GALNTL6: variants seen among roughly 807,000 people sequenced by gnomAD.
The protein encoded by GALNTL6 is polypeptide N-acetylgalactosaminyltransferase-like 6.
GALNTL6 carries 46 observed loss-of-function variants against 73.7 expected under a neutral mutation model. The observed-to-expected ratio is 0.62, with a 90% confidence interval of 0.49 to 0.80. The LOEUF (loss-of-function observed/expected upper bound fraction) is 0.80, where lower values mean the gene tolerates loss of function less well. GALNTL6 is among the 30% of genes least tolerant of loss of function. GALNTL6 has a pLI of 0.00. For missense variants in GALNTL6, 604 were observed against 755.0 expected (o/e 0.80, Z 2.34); for synonymous variants, 259 against 263.7 (o/e 0.98, Z 0.17).
intron 5 of GALNTL6, among the ~76,000 whole-genome samples, chr4:172,520,755 T>C (rs886777217): frequency 2.6e-5 from 4 of 152,044 alleles, no homozygotes; most frequent in Non-Finnish European, 5.9e-5. Flanking sequence ...AAAACTCAAC[T>C]AACATATTCT....
At chr4:172,490,390 T>A (rs1733853474) in intron 5 of GALNTL6, among the ~76,000 whole-genome samples, 1 of 152,136 alleles carries the variant, frequency 6.6e-6, no homozygotes, top group Non-Finnish European at 1.5e-5. Context: ...AAATAGTTTA[T>A]AAAATAATTT....
At chr4:172,926,276 A>G (rs1748053427) in intron 8 of GALNTL6, among the ~76,000 whole-genome samples, 1 of 152,090 alleles carries the variant, frequency 6.6e-6, no homozygotes, top group African/African-American at 2.4e-5. Context: ...ATCACCTCCC[A>G]AGGACCCTAC....
intron 2 of GALNTL6, among the ~76,000 whole-genome samples, chr4:171,954,394 G>A (rs922348172): frequency 3.3e-5 from 5 of 152,128 alleles, no homozygotes; most frequent in African/African-American, 7.2e-5. Context: ...AGCTTGTGTT[G>A]TATAGTTATA....
At chr4:171,957,599 C>T (rs1443815227) in intron 2 of GALNTL6, among the ~76,000 whole-genome samples, 1 of 152,188 alleles carries the variant, frequency 6.6e-6, no homozygotes, top group East Asian at 1.9e-4. Context: ...AAACTGTTGT[C>T]TAGTTATCAA....
chr4:172,473,056 T>G (rs375216424), intron 5 of GALNTL6, among the ~76,000 whole-genome samples: 1 of 152,168 alleles, frequency 6.6e-6, no homozygotes, highest in Non-Finnish European at 1.5e-5. Context: ...ATTAAGCATT[T>G]TCTAAATGCC....
At chr4:172,636,209 CATTA>C (rs1739671795) in intron 5 of GALNTL6, among the ~76,000 whole-genome samples, 1 of 152,112 alleles carries the variant, frequency 6.6e-6, no homozygotes, top group Admixed American at 6.6e-5. Context: ...AGATAATGGT[CATTA>C]GTCTGATGTC....
chr4:172,991,413 T>C (rs749159922), intron 10 of GALNTL6, among the ~76,000 whole-genome samples: 2 of 152,102 alleles, frequency 1.3e-5, no homozygotes, highest in Non-Finnish European at 2.9e-5. Flanking sequence ...GTTTTTTTTG[T>C]TTTGAGACAG....
chr4:172,702,548 G>A lies in GALNTL6; in HGVS notation c.554-106813G>A, dbSNP rs188128621. On this transcript the variant is annotated intron_variant, in intron 5 of 12. Coordinates refer to ENST00000506823, the MANE Select transcript of GALNTL6 (RefSeq NM_001034845.3). ...TTGAAACTTAATATCCAATGTGACA[G>A]TGGGGCGGGACCTTTGGGAAGGTGA... Among the ~76,000 whole-genome samples, 444 of 151,812 alleles carry A rather than the reference G, an allele frequency of 2.9e-3. 4 individuals carry two copies. Among genetic ancestry groups the A allele is most frequent in the African/African-American group, 0.01 (421 of 41,426 alleles).
intron 5 of GALNTL6, among the ~76,000 whole-genome samples, chr4:172,533,204 G>T (rs776074386): frequency 2.0e-5 from 3 of 150,894 alleles, no homozygotes; most frequent in African/African-American, 4.9e-5. Flanking sequence ...GTAGAGATGG[G>T]GTTTTACCAT....
In GALNTL6 at chr4:172,952,179, A is replaced by G. The variant is rs138303336; in HGVS notation, c.1292A>G (p.Lys431Arg). 22 of 1,614,078 alleles carry G rather than the reference A, an allele frequency of 1.4e-5. No homozygotes were observed. The African/African-American group carries it at 2.3e-4, about 17-fold the overall frequency. ...AAGCAGCTCAAGTGCAAGGACTTCA[A>G]ATGGTTCATGGCTGCTGTGGCCTGG... ...LRKQLKCKDFKWFMAAVAWDV... is the reference protein window; with the variant it reads ...LRKQLKCKDFRWFMAAVAWDV... The change falls in exon 10 of 13, where the codon AAA (lysine) becomes AGA (arginine). Residue 431 changes from lysine (K) to arginine (R), a missense_variant. Physicochemically the swap from Lys to Arg is conservative, Grantham distance 26. Around this residue, in one of 5 missense-constraint regions of GALNTL6, gnomAD observed 261 missense variants for 296.5 expected, o/e 0.88. Coordinates refer to ENST00000506823, the MANE Select transcript of GALNTL6 (RefSeq NM_001034845.3).
At chr4:172,617,273 A>G (rs1318376611) in intron 5 of GALNTL6, among the ~76,000 whole-genome samples, 1 of 151,980 alleles carries the variant, frequency 6.6e-6, no homozygotes, top group East Asian at 1.9e-4. Context: ...TAATAACAGC[A>G]TCTCAGGAAT....
chr4:172,547,348 G>A (rs542499102), intron 5 of GALNTL6, among the ~76,000 whole-genome samples: 1 of 152,114 alleles, frequency 6.6e-6, no homozygotes, highest in East Asian at 1.9e-4. Context: ...ATATAAAGTT[G>A]TCTTCTTTTG....
chr4:172,215,231 G>A (rs1736458562), intron 2 of GALNTL6, among the ~76,000 whole-genome samples: 1 of 151,948 alleles, frequency 6.6e-6, no homozygotes, highest in South Asian at 2.1e-4. Context: ...TATTGTTTTG[G>A]GATTGAATAT....
intron 2 of GALNTL6, among the ~76,000 whole-genome samples, chr4:171,910,580 A>C (rs1040797720): frequency 6.6e-6 from 1 of 152,130 alleles, no homozygotes; most frequent in Non-Finnish European, 1.5e-5. Context: ...TTAAAAAAAA[A>C]AATCAGTTTA....
chr4:172,419,760 A>C (rs1730985477), intron 5 of GALNTL6, among the ~76,000 whole-genome samples: 1 of 152,114 alleles, frequency 6.6e-6, no homozygotes, highest in Non-Finnish European at 1.5e-5. Flanking sequence ...CTCACACATA[A>C]ATTTGAGTGT....
chr4:172,811,387 C>CT (rs1320268948), intron 6 of GALNTL6, among the ~76,000 whole-genome samples: 1 of 152,142 alleles, frequency 6.6e-6, no homozygotes, highest in East Asian at 1.9e-4. Context: ...CTTGGGACTC[C>CT]TTGATGGTCA....
chr4:172,937,123 C>G (rs899585395), intron 9 of GALNTL6, among the ~76,000 whole-genome samples: 1 of 151,954 alleles, frequency 6.6e-6, no homozygotes, highest in Non-Finnish European at 1.5e-5. Flanking sequence ...GGATGCAGAT[C>G]ACAGTGTTGA....
intron 2 of GALNTL6, among the ~76,000 whole-genome samples, chr4:171,876,409 A>C (rs772680868): frequency 3.3e-5 from 5 of 152,216 alleles, no homozygotes; most frequent in Non-Finnish European, 5.9e-5. Flanking sequence ...TAAAAGATAA[A>C]TGTCATCTAC....
chr4:172,752,866 G>C (rs1837131), intron 5 of GALNTL6, among the ~76,000 whole-genome samples: 145,578 of 152,282 alleles, frequency 0.96, 69,920 homozygotes, highest in East Asian at 1. Context: ...TATTTTGATA[G>C]ATATAATTTT....
Sources: allele counts gnomAD v4.1 joint callset (sites outside exome capture counted in the v4.1 genomes callset), GRCh38; gene constraint gnomAD v4.1.1; regional missense constraint gnomAD v4.1.1; transcripts MANE v1.5; gene names NCBI Gene and HGNC (gene_info 2026-07-23, HGNC 2026-07-21).